SPATA31H1: variants seen among roughly 807,000 people sequenced by gnomAD.
SPATA31H1 encodes the protein spermatogenesis-associated protein 31H1.
chr2:27,578,199 A>T, the SPATA31H1 span: 1 of 1,614,140 alleles, frequency 6.2e-7, no homozygotes, highest in Non-Finnish European at 8.5e-7. Context: ...TATTGAGTTG[A>T]CTCCAAAACT....
At chr2:27,541,929 C>A in the SPATA31H1 span, among the ~76,000 whole-genome samples, 3 of 151,872 alleles carry the variant, frequency 2.0e-5, no homozygotes, top group African/African-American at 7.3e-5. Context: ...TGCCACCATG[C>A]CTAGCTAATT....
At chr2:27,577,345 A>C in the SPATA31H1 span, 37 of 1,614,016 alleles carry the variant, frequency 2.3e-5, no homozygotes, top group Middle Eastern at 3.3e-4. The surrounding 1 kb of genome is among the most constrained non-coding windows in gnomAD (Gnocchi z 4.5). Flanking sequence ...CCACTGCAGC[A>C]AACTGTGGAA....
chr2:27,547,507 T>C, the SPATA31H1 span, among the ~76,000 whole-genome samples: 4 of 152,086 alleles, frequency 2.6e-5, no homozygotes, highest in East Asian at 7.7e-4. Context: ...TCTTAACTAT[T>C]CTAGGTCATT....
the SPATA31H1 span, chr2:27,577,980 C>T: frequency 1.2e-5 from 19 of 1,614,028 alleles, no homozygotes; most frequent in African/African-American, 2.7e-5. This position sits in a 1 kb window ranked among gnomAD's most constrained non-coding sequence, Gnocchi z 4.5. Context: ...ACCACTGGGT[C>T]GAATTGTAGA....
the SPATA31H1 span, chr2:27,569,172 C>T: frequency 5.0e-6 from 2 of 398,970 alleles, no homozygotes; most frequent in Non-Finnish European, 8.8e-6. Context: ...AGTATCACAA[C>T]ACACAACAAA....
chr2:27,539,645 CG>C, the SPATA31H1 span, among the ~76,000 whole-genome samples: 124 of 108,960 alleles, frequency 1.1e-3, no homozygotes, highest in African/African-American at 4.3e-3. Flanking sequence ...ACCTCCCAGA[CG>C]GGGCCGTGGC....
chr2:27,556,661 A>G, the SPATA31H1 span, among the ~76,000 whole-genome samples: 1 of 141,858 alleles, frequency 7.0e-6, no homozygotes, highest in Non-Finnish European at 1.5e-5. Flanking sequence ...CCATCTCGTC[A>G]TCTAATTTCT....
chr2:27,579,764 A>T, the SPATA31H1 span: 12 of 1,614,082 alleles, frequency 7.4e-6, no homozygotes, highest in Non-Finnish European at 1.0e-5. Flanking sequence ...CTGAGTCCCA[A>T]CACTCCCTCA....
chr2:27,556,453 T>G, the SPATA31H1 span, among the ~76,000 whole-genome samples: 4 of 151,680 alleles, frequency 2.6e-5, no homozygotes, highest in Non-Finnish European at 5.9e-5. Flanking sequence ...CTTCTGGGAC[T>G]CCTATTACTG....
the SPATA31H1 span, among the ~76,000 whole-genome samples, chr2:27,563,577 TGAGAC>T: frequency 6.6e-6 from 1 of 150,798 alleles, no homozygotes; most frequent in African/African-American, 2.4e-5. Context: ...TTTTTTTTTT[TGAGAC>T]TGAGTCTTGC....
At chr2:27,573,229 C>G in the SPATA31H1 span, 1 of 398,174 alleles carries the variant, frequency 2.5e-6, no homozygotes, top group Non-Finnish European at 4.4e-6. Context: ...CCTAAGATGT[C>G]CCGAGGACCA....
the SPATA31H1 span, among the ~76,000 whole-genome samples, chr2:27,554,035 T>A: frequency 6.6e-6 from 1 of 152,112 alleles, no homozygotes; most frequent in Admixed American, 6.5e-5. Flanking sequence ...TCTTTGCCAC[T>A]TTATAAGGAC....
the SPATA31H1 span, among the ~76,000 whole-genome samples, chr2:27,561,446 C>T: frequency 5.9e-5 from 9 of 152,344 alleles, no homozygotes; most frequent in East Asian, 1.7e-3. Flanking sequence ...TATCCATCAT[C>T]TCACTTATCT....
the SPATA31H1 span, among the ~76,000 whole-genome samples, chr2:27,541,077 A>G: frequency 7.0e-6 from 1 of 143,324 alleles, no homozygotes; most frequent in Non-Finnish European, 1.5e-5. Flanking sequence ...AGATCACGCC[A>G]CTGCACTCCA....
chr2:27,543,535 TA>T, the SPATA31H1 span, among the ~76,000 whole-genome samples: 1 of 142,702 alleles, frequency 7.0e-6, no homozygotes, highest in African/African-American at 2.8e-5. Context: ...AGCCTCCCTT[TA>T]ACTAGGTTGG....
At chr2:27,537,677 T>A in the SPATA31H1 span, 2 of 646,588 alleles carry the variant, frequency 3.1e-6, no homozygotes, top group Non-Finnish European at 5.6e-6. Flanking sequence ...AGAGGGGAGT[T>A]GAGACAGTGC....
At chr2:27,554,233 G>A in the SPATA31H1 span, among the ~76,000 whole-genome samples, 1 of 151,908 alleles carries the variant, frequency 6.6e-6, no homozygotes, top group Non-Finnish European at 1.5e-5. Context: ...ACCCTTAATA[G>A]TTCATTTATG....
chr2:27,545,092 G>A, the SPATA31H1 span, among the ~76,000 whole-genome samples: 4 of 150,564 alleles, frequency 2.7e-5, no homozygotes, highest in Admixed American at 1.3e-4. Flanking sequence ...GCTCAATCTC[G>A]GCTCACTGCA....
At chr2:27,541,861 C>G in the SPATA31H1 span, among the ~76,000 whole-genome samples, 12 of 152,128 alleles carry the variant, frequency 7.9e-5, no homozygotes, top group Middle Eastern at 3.4e-3. Context: ...ACCTCAACCT[C>G]CTGAGCTCGA....
Sources: gnomAD v4.1 joint callset for allele counts (sites outside exome capture counted in the v4.1 genomes callset) on GRCh38, gnomAD v4.1.1 for gene constraint, Gnocchi (gnomAD v3.1) non-coding constraint, MANE v1.5 for transcripts, NCBI Gene and HGNC (gene_info 2026-07-23, HGNC 2026-07-21) for gene names.